The following HUNK variants were observed in gnomAD, a reference collection of about 807,000 sequenced individuals.
The protein encoded by HUNK is hormonally up-regulated neu tumor-associated kinase.
A neutral mutation model predicts 61.0 loss-of-function variants in HUNK; 21 were observed. The ratio of observed to expected loss-of-function variants is 0.34; its 90% confidence interval spans 0.24 to 0.50. The LOEUF is 0.50. Ranked by LOEUF, HUNK falls within the 20% of genes least tolerant of loss-of-function variation. HUNK has a pLI of 0.98. For synonymous variants in HUNK, 371 were observed against 386.1 expected, an observed-to-expected ratio of 0.96 and a Z score of 0.46; for missense variants, 772 against 945.7, an observed-to-expected ratio of 0.82 and a Z score of 2.41.
intron 1 of HUNK, among the ~76,000 whole-genome samples, chr21:31,905,076 TA>T (rs11351717): frequency 0.91 from 132,843 of 145,188 alleles, 60,781 homozygotes; most frequent in African/African-American, 0.98. Context: ...AGACTGTGTC[TA>T]AAAAAAAAAA....
At chr21:31,961,740 C>A (rs1285052059) in intron 5 of HUNK, among the ~76,000 whole-genome samples, 1 of 152,088 alleles carries the variant, frequency 6.6e-6, no homozygotes, top group African/African-American at 2.4e-5. Flanking sequence ...GGTTCAGAGC[C>A]TGTTTTATTC....
At chr21:31,892,252 A>G (rs2052396087) in intron 1 of HUNK, among the ~76,000 whole-genome samples, 2 of 94,270 alleles carry the variant, frequency 2.1e-5, no homozygotes, top group East Asian at 2.9e-4. Flanking sequence ...GCCTGAAAAT[A>G]CAGTCATTAT....
intron 1 of HUNK, among the ~76,000 whole-genome samples, chr21:31,892,976 C>T (rs967876369): frequency 6.6e-6 from 1 of 152,200 alleles, no homozygotes; most frequent in South Asian, 2.1e-4. Flanking sequence ...GCTTCTCTGC[C>T]TCCTCCTGTG....
chr21:31,888,134 T>A (rs1467370570), intron 1 of HUNK, among the ~76,000 whole-genome samples: 1 of 152,152 alleles, frequency 6.6e-6, no homozygotes, highest in Non-Finnish European at 1.5e-5. Flanking sequence ...AAGTTTAATG[T>A]AGGAAGTCTT....
At chr21:31,997,155 G>A (rs1482634116) in intron 10 of HUNK, among the ~76,000 whole-genome samples, 1 of 152,234 alleles carries the variant, frequency 6.6e-6, no homozygotes, top group Non-Finnish European at 1.5e-5. Flanking sequence ...AAACGTTATG[G>A]GAGAAGAAAG....
chr21:31,885,966 C>T (rs1329012635), intron 1 of HUNK, among the ~76,000 whole-genome samples: 1 of 152,130 alleles, frequency 6.6e-6, no homozygotes, highest in African/African-American at 2.4e-5. Flanking sequence ...CTCCTGACCT[C>T]GTGATCCACC....
intron 6 of HUNK, 139 bp downstream of exon 6, chr21:31,968,524 A>C: frequency 2.3e-6 from 2 of 873,516 alleles, no homozygotes; most frequent in Non-Finnish European, 1.7e-6. Context: ...TCCCCCTAAC[A>C]CCCACACCCA....
At chr21:31,960,760 A>G (rs764346382) in intron 5 of HUNK, among the ~76,000 whole-genome samples, 6 of 152,264 alleles carry the variant, frequency 3.9e-5, no homozygotes, top group South Asian at 2.1e-4. Flanking sequence ...CCATGATTCA[A>G]TTATCTCCAC....
At chr21:31,959,088 A>C in intron 5 of HUNK, 118 bp downstream of exon 5, 1 of 1,086,810 alleles carries the variant, frequency 9.2e-7, no homozygotes, top group Non-Finnish European at 1.2e-6. Context: ...CATGGTTATA[A>C]GTTTCTTTCT....
At chr21:31,925,945 T>C (rs971727923) in intron 2 of HUNK, among the ~76,000 whole-genome samples, 23 of 151,216 alleles carry the variant, frequency 1.5e-4, no homozygotes, top group African/African-American at 4.9e-4. Flanking sequence ...TTTTTGAGAC[T>C]GAGTCTCGCT....
chr21:31,958,993 T>C, intron 5 of HUNK, 23 bp downstream of exon 5: 1 of 1,583,012 alleles, frequency 6.3e-7, no homozygotes. Context: ...CTGCTCTAGA[T>C]CACGGTTCAG....
At chr21:31,910,492 T>C (rs1247242035) in intron 1 of HUNK, among the ~76,000 whole-genome samples, 1 of 65,580 alleles carries the variant, frequency 1.5e-5, no homozygotes, top group African/African-American at 8.0e-5. Flanking sequence ...AGGATATCCT[T>C]TTTTTTTTTT....
chr21:31,945,903 G>C (rs969302131), intron 3 of HUNK, 133 bp from the exon 4 acceptor site: 3 of 870,036 alleles, frequency 3.4e-6, no homozygotes, highest in African/African-American at 3.4e-5. Context: ...GTTTTCTTTA[G>C]GATGCTAAAT....
intron 2 of HUNK, among the ~76,000 whole-genome samples, 170 bp from the exon 3 acceptor site, chr21:31,939,995 T>C (rs1407167500): frequency 2.0e-5 from 3 of 152,180 alleles, no homozygotes; most frequent in African/African-American, 7.2e-5. Flanking sequence ...CAATTAATTA[T>C]TAATATATCA....
intron 7 of HUNK, among the ~76,000 whole-genome samples, chr21:31,976,769 C>G (rs1157913496): frequency 1.5e-5 from 2 of 136,858 alleles, no homozygotes; most frequent in Non-Finnish European, 3.1e-5. Context: ...ACCTGGCCCT[C>G]TTTTTTTTTT....
At chr21:31,914,389 CA>C (rs2052567335) in intron 1 of HUNK, among the ~76,000 whole-genome samples, 1 of 92,418 alleles carries the variant, frequency 1.1e-5, no homozygotes, top group African/African-American at 4.3e-5. Context: ...GCCTGGGCAA[CA>C]AGAGTGAAAC....
intron 3 of HUNK, 25 bp downstream of exon 3, chr21:31,940,245 C>G: frequency 7.2e-7 from 1 of 1,396,892 alleles, no homozygotes; most frequent in Non-Finnish European, 9.9e-7. Context: ...TTTTTTTAAG[C>G]AAAAGTATCT....
chr21:31,993,266 G>T (rs1370411279), intron 9 of HUNK, among the ~76,000 whole-genome samples: 1 of 152,154 alleles, frequency 6.6e-6, no homozygotes, highest in African/African-American at 2.4e-5. Context: ...CCCTAACTGG[G>T]TGGCGATACT....
At chr21:31,882,460 A>G (rs915893856) in intron 1 of HUNK, among the ~76,000 whole-genome samples, 8 of 152,174 alleles carry the variant, frequency 5.3e-5, no homozygotes, top group African/African-American at 1.9e-4. Flanking sequence ...GTCCTTGTGT[A>G]TCCCTCCAGA....
Sources: gnomAD v4.1 joint callset for allele counts (sites outside exome capture counted in the v4.1 genomes callset) on GRCh38, gnomAD v4.1.1 for gene constraint, MANE v1.5 for transcripts, NCBI Gene and HGNC (gene_info 2026-07-23, HGNC 2026-07-21) for gene names.